CSMD1: variants seen among roughly 807,000 people sequenced by gnomAD.
CSMD1 encodes CUB and sushi domain-containing protein 1.
In CSMD1, 213 loss-of-function variants were observed where a neutral mutation model predicts 417.5. That is an observed-to-expected ratio of 0.51 (90% CI 0.46 to 0.57). The LOEUF is 0.57. CSMD1 is among the 20% of genes least tolerant of loss of function. CSMD1 has a pLI of 0.00. For missense variants in CSMD1, 6,923 were observed against 4,529.7 expected, an observed-to-expected ratio of 1.53 and a Z score of -15.17; for synonymous variants, 2,862 against 1,736.8, an observed-to-expected ratio of 1.65 and a Z score of -16.11.
intron 52 of CSMD1, among the ~76,000 whole-genome samples, chr8:3,008,023 GTTAT>G (rs1162442119): frequency 6.6e-6 from 1 of 152,122 alleles, no homozygotes; most frequent in East Asian, 1.9e-4. Flanking sequence ...AAAAAGGGGA[GTTAT>G]TTTAACAATC....
chr8:4,362,305 C>A (rs1301750352), intron 3 of CSMD1, among the ~76,000 whole-genome samples: 1 of 152,110 alleles, frequency 6.6e-6, no homozygotes, highest in Non-Finnish European at 1.5e-5. Flanking sequence ...CAGGTGGACT[C>A]CTTGGCCCTG....
intron 3 of CSMD1, among the ~76,000 whole-genome samples, chr8:4,310,634 T>C (rs898462642): frequency 6.6e-6 from 1 of 152,084 alleles, no homozygotes; most frequent in Non-Finnish European, 1.5e-5. Context: ...GAAAAATGAG[T>C]CAGACACATT....
rs2915064 is a variant in CSMD1, at chr8:4,454,119, G to A, written c.303-34054C>T. Among the ~76,000 whole-genome samples, 1,075 of 152,224 alleles carry A rather than the reference G, an allele frequency of 7.1e-3. 12 individuals are homozygous for A. Among genetic ancestry groups the A allele is most frequent in the African/African-American group, 0.023 (966 of 41,528 alleles). On this transcript the variant is annotated intron_variant, in intron 2 of 69. Transcript: ENST00000635120. ...TTACAGGCGTGAGCCACTGTGCCCAGCCTGCAATTCATTCTTGATTCCTCC... is the reference window on the plus strand; with the variant it reads ...TTACAGGCGTGAGCCACTGTGCCCAACCTGCAATTCATTCTTGATTCCTCC...
At chr8:4,106,731 C>T (rs1397886606) in intron 3 of CSMD1, among the ~76,000 whole-genome samples, 1 of 152,112 alleles carries the variant, frequency 6.6e-6, no homozygotes, top group East Asian at 1.9e-4. Context: ...ACACACAGCT[C>T]TTAAGTTCAA....
At chr8:3,888,568 G>C (rs950658130) in intron 5 of CSMD1, among the ~76,000 whole-genome samples, 2 of 152,168 alleles carry the variant, frequency 1.3e-5, no homozygotes, top group African/African-American at 4.8e-5. Flanking sequence ...ACCAGCTGGA[G>C]AAAGCTGAGC....
intron 10 of CSMD1, among the ~76,000 whole-genome samples, chr8:3,554,555 G>A (rs1156284372): frequency 6.6e-6 from 1 of 152,200 alleles, no homozygotes; most frequent in Non-Finnish European, 1.5e-5. Context: ...CTGCTCTGTT[G>A]GAAGCCATGA....
intron 2 of CSMD1, among the ~76,000 whole-genome samples, chr8:4,454,808 A>G (rs1799370884): frequency 6.6e-6 from 1 of 152,216 alleles, no homozygotes; most frequent in South Asian, 2.1e-4. Flanking sequence ...AGAAGTGAAA[A>G]TTATCTCAAC....
At position 3,990,296 on chromosome 8, in the gene CSMD1, G is replaced by A. The variant is rs192333462; in HGVS notation, c.818+7607C>T. On this transcript the variant is annotated intron_variant, in intron 5 of 69. Transcript: ENST00000635120. ...ACAGCTTAAATAATTTATAGGAAAAGTATTTTTCAATAAAATGAGGTTAAT... is the reference window on the plus strand; with the variant it reads ...ACAGCTTAAATAATTTATAGGAAAAATATTTTTCAATAAAATGAGGTTAAT... Among the ~76,000 whole-genome samples, 37 of 152,212 alleles carry A rather than the reference G, an allele frequency of 2.4e-4. 1 individual carries two copies. In the East Asian group the frequency reaches 6.8e-3, roughly 28 times the overall value.
chr8:4,756,613 G>C (rs1811683441), intron 1 of CSMD1, among the ~76,000 whole-genome samples: 1 of 152,106 alleles, frequency 6.6e-6, no homozygotes, highest in African/African-American at 2.4e-5. Flanking sequence ...CTTCACTTTG[G>C]CTCACTAATT....
chr8:3,654,692 T>A (rs1353076117), intron 7 of CSMD1, among the ~76,000 whole-genome samples: 2 of 152,180 alleles, frequency 1.3e-5, no homozygotes, highest in African/African-American at 4.8e-5. Flanking sequence ...GAGATTCGGG[T>A]CAGAGCCAGC....
At chr8:4,601,958 C>A (rs556114762) in intron 2 of CSMD1, among the ~76,000 whole-genome samples, 2 of 152,260 alleles carry the variant, frequency 1.3e-5, no homozygotes, top group South Asian at 2.1e-4. Context: ...GCTGGAGGAA[C>A]CTCCTCAGAG....
At chr8:4,442,634 G>A (rs1798550070) in intron 2 of CSMD1, among the ~76,000 whole-genome samples, 1 of 152,118 alleles carries the variant, frequency 6.6e-6, no homozygotes, top group South Asian at 2.1e-4. Context: ...CTGGATTGCT[G>A]GGGATTCCAG....
Position 4,219,294 on chromosome 8 carries a change from C to A in CSMD1, c.416-187195G>T, listed in dbSNP as rs145729998. The stretch of plus-strand genomic sequence containing the variant: ...GTGATTATTTCTTTCAGTTCAAATG[C>A]AGGTCTTTTCTTCTCTCTCAGTAAT... On this transcript the variant is annotated intron_variant, in intron 3 of 69. Coordinates refer to ENST00000635120, the MANE Select transcript of CSMD1 (RefSeq NM_033225.6). Among the ~76,000 whole-genome samples, 4 of 152,282 alleles carry A rather than the reference C, an allele frequency of 2.6e-5. No homozygotes were observed. The East Asian group carries it at 5.8e-4, about 22-fold the overall frequency.
intron 11 of CSMD1, among the ~76,000 whole-genome samples, chr8:3,490,106 G>C (rs963403532): frequency 1.3e-5 from 2 of 152,180 alleles, no homozygotes; most frequent in Admixed American, 6.6e-5. Flanking sequence ...GACTAGCTGT[G>C]ATTCTCTGTG....
intron 3 of CSMD1, among the ~76,000 whole-genome samples, chr8:4,110,496 T>A (rs184837443): frequency 2.6e-5 from 4 of 152,288 alleles, no homozygotes; most frequent in East Asian, 3.9e-4. Flanking sequence ...ACTTTTCATA[T>A]ATTATTTTCC....
intron 10 of CSMD1, among the ~76,000 whole-genome samples, chr8:3,560,035 T>C (rs13253282): frequency 6.6e-6 from 1 of 151,792 alleles, no homozygotes; most frequent in African/African-American, 2.4e-5. Context: ...GTGGAGGGAA[T>C]TTGGTGAATG....
chr8:3,240,913 G>T (rs1379674110), intron 26 of CSMD1, among the ~76,000 whole-genome samples: 10 of 151,948 alleles, frequency 6.6e-5, no homozygotes, highest in African/African-American at 2.4e-4. Context: ...TAGCAGGCAA[G>T]TGATAACAGG....
At chr8:4,773,286 C>T (rs999968767) in intron 1 of CSMD1, among the ~76,000 whole-genome samples, 7 of 152,112 alleles carry the variant, frequency 4.6e-5, no homozygotes, top group Admixed American at 2.6e-4. Flanking sequence ...CAATCTACAC[C>T]AAGCTAGCAG....
intron 1 of CSMD1, among the ~76,000 whole-genome samples, chr8:4,766,022 T>C (rs1194604111): frequency 6.6e-6 from 1 of 152,224 alleles, no homozygotes; most frequent in African/African-American, 2.4e-5. Flanking sequence ...TATATATTTT[T>C]TAATCTTTAC....
Sources: allele counts gnomAD v4.1 joint callset (sites outside exome capture counted in the v4.1 genomes callset), GRCh38; gene constraint gnomAD v4.1.1; transcripts MANE v1.5; gene names NCBI Gene and HGNC (gene_info 2026-07-23, HGNC 2026-07-21).